SLC30A8: variants seen among roughly 807,000 people sequenced by gnomAD.
SLC30A8 encodes the protein solute carrier family 30 member 8.
Under a neutral mutation model 36.9 loss-of-function variants are expected in SLC30A8, and 27 were observed. That is an observed-to-expected ratio of 0.73 (90% confidence interval 0.54 to 1.01). SLC30A8 has a LOEUF of 1.01. Among genes scored for constraint, SLC30A8 ranks in the 50% least tolerant of loss-of-function variants. SLC30A8 has a pLI of 0.00. For missense variants in SLC30A8, 439 were observed against 452.0 expected, an observed-to-expected ratio of 0.97 and a Z score of 0.26; for synonymous variants, 164 against 172.4, an observed-to-expected ratio of 0.95 and a Z score of 0.38.
intron 1 of SLC30A8, among the ~76,000 whole-genome samples, chr8:116,955,298 G>A (rs1043376991): frequency 6.6e-6 from 1 of 152,188 alleles, no homozygotes; most frequent in Non-Finnish European, 1.5e-5. Context: ...GATGACTAGT[G>A]TCCTTCTAAG....
intron 1 of SLC30A8, among the ~76,000 whole-genome samples, chr8:117,141,076 C>T (rs758374949): frequency 2.2e-4 from 33 of 152,096 alleles, no homozygotes; most frequent in Non-Finnish European, 3.7e-4. Context: ...GATGTCCTCA[C>T]TGGTGATTTC....
chr8:117,014,143 G>T (rs1037100121), intron 1 of SLC30A8, among the ~76,000 whole-genome samples: 1 of 152,092 alleles, frequency 6.6e-6, no homozygotes, highest in Non-Finnish European at 1.5e-5. Flanking sequence ...CCTAATATAG[G>T]GGCACATGAA....
At chr8:117,012,007 A>G (rs1322569970) in intron 1 of SLC30A8, among the ~76,000 whole-genome samples, 5 of 152,178 alleles carry the variant, frequency 3.3e-5, no homozygotes, top group African/African-American at 1.2e-4. Context: ...CCTTGAGGAT[A>G]GAAATTTTGT....
intron 1 of SLC30A8, among the ~76,000 whole-genome samples, chr8:117,137,656 A>G (rs1320200159): frequency 2.0e-5 from 3 of 151,886 alleles, no homozygotes; most frequent in Non-Finnish European, 4.4e-5. Context: ...GGGGGTCTTA[A>G]TTCTTCTTCC....
At chr8:117,068,531 ATG>A (rs1421313141) in intron 2 of SLC30A8, among the ~76,000 whole-genome samples, 2 of 147,418 alleles carry the variant, frequency 1.4e-5, no homozygotes, top group African/African-American at 5.4e-5. Flanking sequence ...TTCTCTCCAC[ATG>A]TGTTGCCCAT....
intron 1 of SLC30A8, among the ~76,000 whole-genome samples, chr8:117,015,422 AG>A (rs777877451): frequency 6.6e-6 from 1 of 152,112 alleles, no homozygotes; most frequent in African/African-American, 2.4e-5. Context: ...TCCAAGATAA[AG>A]GTCCTTTGAA....
chr8:117,016,708 T>C (rs1415587978), intron 1 of SLC30A8, among the ~76,000 whole-genome samples: 2 of 152,196 alleles, frequency 1.3e-5, no homozygotes, highest in African/African-American at 4.8e-5. Context: ...AGGAGAGAGA[T>C]TAAAATGTAC....
At chr8:117,016,034 C>T (rs1816507201) in intron 1 of SLC30A8, among the ~76,000 whole-genome samples, 1 of 152,058 alleles carries the variant, frequency 6.6e-6, no homozygotes, top group Admixed American at 6.6e-5. Context: ...CAAGAGCAAA[C>T]GTTGGTAAGA....
In SLC30A8 at chr8:117,153,170, A is replaced by G. The variant is rs531257593; in HGVS notation, c.418+80A>G. On this transcript the variant is annotated intron_variant, in intron 3 of 7. Coordinates refer to ENST00000456015, the MANE Select transcript of SLC30A8 (RefSeq NM_173851.3). ...AGGGTAAAAGTGGAAGACACGAAGCAAAGCCTTGTTGGAAAGTCCTTAGAG... is the reference window on the plus strand; with the variant it reads ...AGGGTAAAAGTGGAAGACACGAAGCGAAGCCTTGTTGGAAAGTCCTTAGAG... 1.6e-4 allele frequency: 223 copies of G among 1,409,038 alleles called. No homozygotes were observed. The African/African-American group carries it at 2.8e-3, about 18-fold the overall frequency. The allele number at this position is 1,409,038 out of a possible 1,614,324, so 87.3% of individuals were successfully genotyped here.
At chr8:117,013,079 T>A (rs1028323917) in intron 1 of SLC30A8, among the ~76,000 whole-genome samples, 4 of 151,942 alleles carry the variant, frequency 2.6e-5, no homozygotes, top group African/African-American at 9.7e-5. Flanking sequence ...CATTACTACC[T>A]GTGTCAGGAG....
At chr8:116,979,096 G>A (rs1815159590) in intron 1 of SLC30A8, among the ~76,000 whole-genome samples, 1 of 151,150 alleles carries the variant, frequency 6.6e-6, no homozygotes, top group Non-Finnish European at 1.5e-5. Flanking sequence ...AATTAGCTGG[G>A]TGTGGTGACA....
At chr8:117,080,397 A>T (rs1391106344) in intron 2 of SLC30A8, among the ~76,000 whole-genome samples, 1 of 152,018 alleles carries the variant, frequency 6.6e-6, no homozygotes, top group Non-Finnish European at 1.5e-5. Context: ...CAGGTTTGTT[A>T]CAAAGGTATA....
chr8:116,975,374 AATAC>A (rs1814957765), intron 1 of SLC30A8, among the ~76,000 whole-genome samples: 1 of 152,204 alleles, frequency 6.6e-6, no homozygotes, highest in African/African-American at 2.4e-5. Flanking sequence ...TATAAAGCTT[AATAC>A]ATACCCTAGT....
At chr8:116,971,147 A>G (rs1586342844) in intron 1 of SLC30A8, among the ~76,000 whole-genome samples, 1 of 152,164 alleles carries the variant, frequency 6.6e-6, no homozygotes, top group African/African-American at 2.4e-5. Flanking sequence ...AAAAGAAAAT[A>G]GTTAATGCAT....
chr8:116,987,132 T>C (rs1055709356), intron 1 of SLC30A8, among the ~76,000 whole-genome samples: 1 of 152,136 alleles, frequency 6.6e-6, no homozygotes, highest in African/African-American at 2.4e-5. Flanking sequence ...ATCCAGTGTC[T>C]ATTCATGTCA....
chr8:117,048,169 C>T (rs1817608914), intron 2 of SLC30A8, among the ~76,000 whole-genome samples: 1 of 152,162 alleles, frequency 6.6e-6, no homozygotes, highest in African/African-American at 2.4e-5. Context: ...GATCCAAGAA[C>T]CCTCTCTTGG....
At chr8:117,078,952 T>C (rs1012710577) in intron 2 of SLC30A8, among the ~76,000 whole-genome samples, 11 of 151,986 alleles carry the variant, frequency 7.2e-5, no homozygotes, top group Non-Finnish European at 1.5e-4. Flanking sequence ...CCTCCCAAAG[T>C]GTTGGGATTA....
chr8:117,043,808 CAGT>C (rs1230000603), intron 2 of SLC30A8, among the ~76,000 whole-genome samples: 1 of 152,178 alleles, frequency 6.6e-6, no homozygotes, highest in Non-Finnish European at 1.5e-5. Flanking sequence ...CCTCAAAAAA[CAGT>C]AGGTAGAATT....
intron 2 of SLC30A8, among the ~76,000 whole-genome samples, chr8:117,074,708 C>T (rs764100730): frequency 6.6e-6 from 1 of 152,190 alleles, no homozygotes; most frequent in Non-Finnish European, 1.5e-5. Context: ...TCTTTTGAAC[C>T]TGCTCTTTCT....
Sources: allele counts gnomAD v4.1 joint callset (sites outside exome capture counted in the v4.1 genomes callset), GRCh38; gene constraint gnomAD v4.1.1; transcripts MANE v1.5; gene names NCBI Gene and HGNC (gene_info 2026-07-23, HGNC 2026-07-21).